The following ADGRB3 variants were observed in gnomAD, a reference collection of about 807,000 sequenced individuals.
The protein encoded by ADGRB3 is adhesion G protein-coupled receptor B3, also known as brain-specific angiogenesis inhibitor 3.
ADGRB3 carries 37 observed loss-of-function variants against 193.4 expected under a neutral mutation model. The observed-to-expected ratio is 0.19, with a 90% CI of 0.15 to 0.25. The LOEUF (loss-of-function observed/expected upper bound fraction) is 0.25, where lower values mean the gene tolerates loss of function less well. ADGRB3 is among the 10% of genes least tolerant of loss of function. The pLI is 1.00. For missense variants in ADGRB3, 1,637 were observed against 1,852.9 expected, an observed-to-expected ratio of 0.88 and a Z score of 2.14; for synonymous variants, 690 against 644.2, an observed-to-expected ratio of 1.07 and a Z score of -1.08.
chr6:68,952,198 G>A (rs1429899210), intron 6 of ADGRB3, among the ~76,000 whole-genome samples: 1 of 151,890 alleles, frequency 6.6e-6, no homozygotes, highest in Non-Finnish European at 1.5e-5. Flanking sequence ...GTTTCTAGAA[G>A]TGTTATGGGG....
At position 69,048,176 on chromosome 6, in the gene ADGRB3, T is replaced by G. The variant is rs1166299614; in HGVS notation, c.2108-9T>G. 1.2e-6 allele frequency: 2 copies of G among 1,605,916 alleles called. No individual in the cohort carries two copies. The highest frequency in any genetic ancestry group is 2.7e-5 in the African/African-American group (2 of 74,338). On this transcript the variant is annotated splice_polypyrimidine_tract_variant and intron_variant, in intron 13 of 31. Coordinates refer to ENST00000370598, the MANE Select transcript of ADGRB3 (RefSeq NM_001704.3). ...AGTTTAATTGAAATTATTATTTCTT[T>G]TTTAATAGTGGCTAGTATTCAGAAG... is the stretch of plus-strand genomic sequence containing the variant.
At chr6:68,736,110 C>T (rs562994084) in intron 3 of ADGRB3, among the ~76,000 whole-genome samples, 45 of 151,820 alleles carry the variant, frequency 3.0e-4, no homozygotes, top group African/African-American at 1.0e-3. Context: ...TTCCTGGGCT[C>T]AGGAGATCCC....
intron 29 of ADGRB3, among the ~76,000 whole-genome samples, chr6:69,366,967 A>G (rs1204900366): frequency 1.3e-5 from 2 of 152,234 alleles, no homozygotes; most frequent in East Asian, 3.9e-4. Flanking sequence ...GAGACAGACA[A>G]CCATTAAACC....
intron 3 of ADGRB3, among the ~76,000 whole-genome samples, chr6:68,643,517 C>A (rs1160172299): frequency 1.6e-5 from 2 of 124,236 alleles, no homozygotes; most frequent in African/African-American, 6.1e-5. Context: ...TTTACTGAAT[C>A]TGTTGTTCCT....
chr6:69,196,375 G>A (rs569818877), intron 17 of ADGRB3, among the ~76,000 whole-genome samples: 17 of 152,210 alleles, frequency 1.1e-4, no homozygotes, highest in African/African-American at 3.6e-4. Flanking sequence ...ACCACGGTTT[G>A]CATGGCTTAG....
intron 3 of ADGRB3, among the ~76,000 whole-genome samples, chr6:68,902,929 A>C (rs1481223612): frequency 6.6e-6 from 1 of 152,188 alleles, no homozygotes; most frequent in Non-Finnish European, 1.5e-5. Flanking sequence ...GGTTTCTGTG[A>C]AAAGTCTCTG....
chr6:69,359,061 G>A (rs561431739), intron 28 of ADGRB3, among the ~76,000 whole-genome samples: 34 of 151,518 alleles, frequency 2.2e-4, no homozygotes, highest in Non-Finnish European at 4.1e-4. Context: ...TCAATACACA[G>A]TACCAATACT....
chr6:68,992,209 G>C (rs566201503), intron 10 of ADGRB3, among the ~76,000 whole-genome samples: 42 of 152,284 alleles, frequency 2.8e-4, no homozygotes, highest in African/African-American at 7.5e-4. Context: ...AACTAAATAT[G>C]AGTGGTTTTT....
intron 3 of ADGRB3, among the ~76,000 whole-genome samples, chr6:68,929,160 A>G (rs904329018): frequency 2.0e-5 from 3 of 152,166 alleles, no homozygotes; most frequent in African/African-American, 7.2e-5. Flanking sequence ...GTTATTGATA[A>G]GCAGAATCAG....
intron 5 of ADGRB3, among the ~76,000 whole-genome samples, chr6:68,938,845 C>T (rs184803484): frequency 6.6e-6 from 1 of 152,200 alleles, no homozygotes; most frequent in African/African-American, 2.4e-5. Context: ...AGAAAAATGT[C>T]AATAAAGAAT....
intron 8 of ADGRB3, among the ~76,000 whole-genome samples, chr6:68,967,620 C>T (rs1213356745): frequency 6.6e-6 from 1 of 151,824 alleles, no homozygotes; most frequent in Non-Finnish European, 1.5e-5. Context: ...CACCCCCGCC[C>T]CACACACAAC....
chr6:69,207,974 A>T (rs1351237750), intron 17 of ADGRB3, among the ~76,000 whole-genome samples: 1 of 152,194 alleles, frequency 6.6e-6, no homozygotes, highest in Non-Finnish European at 1.5e-5. Flanking sequence ...TCAACCTGCC[A>T]CCAGGTAGTT....
At chr6:69,189,310 T>C (rs1014088161) in intron 17 of ADGRB3, among the ~76,000 whole-genome samples, 1 of 152,186 alleles carries the variant, frequency 6.6e-6, no homozygotes, top group Non-Finnish European at 1.5e-5. Context: ...CACCTAAGGC[T>C]CATTATCAGT....
chr6:69,154,111 C>T (rs921003643), intron 17 of ADGRB3, among the ~76,000 whole-genome samples: 1 of 152,050 alleles, frequency 6.6e-6, no homozygotes, highest in African/African-American at 2.4e-5. Flanking sequence ...ACTGGTATTT[C>T]GTGACTTTAT....
chr6:69,280,846 CA>C (rs1189764592), intron 20 of ADGRB3, among the ~76,000 whole-genome samples: 1 of 150,798 alleles, frequency 6.6e-6, no homozygotes, highest in Non-Finnish European at 1.5e-5. Context: ...TCTGTAACTA[CA>C]AAAAAATATA....
At chr6:69,060,708 A>G (rs1771723288) in intron 15 of ADGRB3, among the ~76,000 whole-genome samples, 1 of 152,122 alleles carries the variant, frequency 6.6e-6, no homozygotes. Context: ...TTGCAAAACC[A>G]AACCAGAACT....
At chr6:69,210,101 T>C (rs1235621501) in intron 17 of ADGRB3, among the ~76,000 whole-genome samples, 1 of 131,240 alleles carries the variant, frequency 7.6e-6, no homozygotes, top group African/African-American at 2.9e-5. Flanking sequence ...TGAATATATG[T>C]ATATAGATAC....
intron 17 of ADGRB3, among the ~76,000 whole-genome samples, chr6:69,137,067 T>C (rs1475074136): frequency 1.5e-5 from 1 of 65,112 alleles, no homozygotes; most frequent in Admixed American, 2.2e-4. Context: ...TTTTTTTTTT[T>C]TTTTTTTTTA....
At position 68,765,908 on chromosome 6, in the gene ADGRB3, A is replaced by G. The variant is rs541736531; in HGVS notation, c.757+126476A>G. On this transcript the variant is annotated intron_variant, in intron 3 of 31. Coordinates refer to ENST00000370598, the MANE Select transcript of ADGRB3 (RefSeq NM_001704.3). Reference sequence around the variant, plus strand: ...ATTTTGGTAAGTTATGTATTTCTATATATTTACATGTGTCTGAAAAAAATG... The same window carrying G: ...ATTTTGGTAAGTTATGTATTTCTATGTATTTACATGTGTCTGAAAAAAATG... 3.2e-4 allele frequency among the ~76,000 whole-genome samples: 48 copies of G among 152,128 alleles called. No individual in the cohort carries two copies. In the South Asian group the frequency reaches 9.9e-3, roughly 32 times the overall value.
Sources: allele counts gnomAD v4.1 joint callset (sites outside exome capture counted in the v4.1 genomes callset), GRCh38; gene constraint gnomAD v4.1.1; transcripts MANE v1.5; gene names NCBI Gene and HGNC (gene_info 2026-07-23, HGNC 2026-07-21).